Variants in STK33 observed in about 807,000 individuals in gnomAD.
STK33 encodes the protein serine/threonine kinase 33.
Under a neutral mutation model 58.0 loss-of-function variants are expected in STK33, and 52 were observed. The ratio of observed to expected loss-of-function variants is 0.90; its 90% CI spans 0.72 to 1.13. STK33 has a LOEUF of 1.13. STK33 is among the 50% of genes most tolerant of loss of function. The pLI, the probability that STK33 is intolerant of heterozygous loss-of-function variation, is 0.00. For missense variants in STK33, 630 were observed against 604.2 expected, an observed-to-expected ratio of 1.04 and a Z score of -0.45; for synonymous variants, 215 against 200.1, an observed-to-expected ratio of 1.07 and a Z score of -0.63.
At chr11:8,572,035 ATAAATTAATTAATTAATTAATT>A (rs1957859201) in intron 1 of STK33, among the ~76,000 whole-genome samples, 1 of 58,166 alleles carries the variant, frequency 1.7e-5, no homozygotes, top group African/African-American at 7.2e-5. Flanking sequence ...ATTTTAAAAA[ATAAATTAATTAATTAATTAATT>A]TTAAAATTAA....
intron 15 of STK33, among the ~76,000 whole-genome samples, chr11:8,409,579 C>A (rs1939856874): frequency 6.6e-6 from 1 of 152,104 alleles, no homozygotes; most frequent in Non-Finnish European, 1.5e-5. Context: ...TCCAATCTTC[C>A]ACAGTACCTT....
chr11:8,489,253 T>A (rs575032861), intron 1 of STK33, among the ~76,000 whole-genome samples: 7 of 58,494 alleles, frequency 1.2e-4, no homozygotes, highest in Admixed American at 9.9e-4. Flanking sequence ...CAAGAAGCTA[T>A]CTCCAAAAAA....
chr11:8,593,221 G>C (rs1359195262), intron 1 of STK33, among the ~76,000 whole-genome samples: 1 of 152,194 alleles, frequency 6.6e-6, no homozygotes, highest in African/African-American at 2.4e-5. Context: ...GCACGGGCCT[G>C]GAGAACAAGG....
Position 8,440,773 on chromosome 11 carries a change from A to G in STK33, c.872-20T>C. Reference sequence around the variant, plus strand: ...CAGGGGCTGCCAAACAAGCAGATATAAAATAACATTAATAATACAATAAAT... The same window carrying G: ...CAGGGGCTGCCAAACAAGCAGATATGAAATAACATTAATAATACAATAAAT... On this transcript the variant is annotated intron_variant, in intron 11 of 15. Coordinates refer to ENST00000687296, the MANE Select transcript of STK33 (RefSeq NM_001352389.2). The G allele has an allele frequency of 6.5e-7, 1 of 1,548,012 alleles. No homozygotes were observed. The highest frequency in any genetic ancestry group is 8.7e-7 in the Non-Finnish European group (1 of 1,143,788).
chr11:8,451,352 T>C (rs562506555), intron 11 of STK33, among the ~76,000 whole-genome samples: 47 of 152,290 alleles, frequency 3.1e-4, no homozygotes, highest in Middle Eastern at 6.8e-3. Flanking sequence ...CAGGGGTAAG[T>C]AGATAAACAA....
chr11:8,587,234 T>A (rs1158524762), intron 1 of STK33, among the ~76,000 whole-genome samples: 6 of 152,186 alleles, frequency 3.9e-5, no homozygotes, highest in African/African-American at 1.4e-4. Flanking sequence ...TTATACAAAT[T>A]TATTAGAAAA....
At chr11:8,346,937 C>A in the STK33 span, among the ~76,000 whole-genome samples, 1 of 152,098 alleles carries the variant, frequency 6.6e-6, no homozygotes, top group East Asian at 1.9e-4. Flanking sequence ...AAATCATAGA[C>A]CTTTATTTTC....
At chr11:8,534,497 T>C (rs1954807303) in intron 1 of STK33, among the ~76,000 whole-genome samples, 3 of 151,716 alleles carry the variant, frequency 2.0e-5, no homozygotes, top group Admixed American at 6.6e-5. Context: ...ATAAGGGTAT[T>C]ATTTCTTCAA....
rs576384369 is a variant in STK33, at chr11:8,545,683, A to G, written c.-466+48400T>C. ...CTCATCCTTCACAGGCTTTGGTCTC[A>G]AGAAACATAAAGGTCTAGTTAGGAA... On this transcript the variant is annotated intron_variant, in intron 1 of 15. Coordinates refer to ENST00000687296, the MANE Select transcript of STK33 (RefSeq NM_001352389.2). Among the ~76,000 whole-genome samples, 4 of 152,318 alleles carry G rather than the reference A, an allele frequency of 2.6e-5. No individual in the cohort carries two copies. The East Asian group carries it at 5.8e-4, about 22-fold the overall frequency.
At chr11:8,445,117 A>T (rs1280699465) in intron 11 of STK33, among the ~76,000 whole-genome samples, 1 of 152,166 alleles carries the variant, frequency 6.6e-6, no homozygotes, top group Admixed American at 6.5e-5. Context: ...GATAAGTTGC[A>T]TTCCTAGGTA....
intron 6 of STK33, among the ~76,000 whole-genome samples, chr11:8,472,516 G>A (rs1011134870): frequency 6.6e-6 from 1 of 152,138 alleles, no homozygotes; most frequent in African/African-American, 2.4e-5. Flanking sequence ...TCAGTCAGCT[G>A]AGCAATCAGA....
intron 4 of STK33, chr11:8,475,628 G>C (rs1949194484): frequency 6.6e-6 from 1 of 151,962 alleles, no homozygotes. Flanking sequence ...TTTTTATATT[G>C]AGCAAAAATA....
chr11:8,511,147 T>C (rs950548736), intron 1 of STK33, among the ~76,000 whole-genome samples: 3 of 152,206 alleles, frequency 2.0e-5, no homozygotes, highest in South Asian at 4.1e-4. Context: ...CATTTGTTTT[T>C]GTCACCTATG....
chr11:8,496,177 T>C (rs1229774496), intron 1 of STK33, among the ~76,000 whole-genome samples: 1 of 151,548 alleles, frequency 6.6e-6, no homozygotes, highest in Non-Finnish European at 1.5e-5. Context: ...TTCCAGGAGA[T>C]TGCTGAAATA....
At chr11:8,539,008 T>C (rs549231445) in intron 1 of STK33, among the ~76,000 whole-genome samples, 58 of 152,178 alleles carry the variant, frequency 3.8e-4, no homozygotes, top group Non-Finnish European at 7.4e-4. Context: ...ACTGATAATA[T>C]AAACTGGGTT....
the STK33 span, among the ~76,000 whole-genome samples, chr11:8,354,516 A>ACACACACACACACACACACC: frequency 4.7e-5 from 6 of 127,752 alleles, no homozygotes; most frequent in South Asian, 2.6e-4. Context: ...ACACACACAC[A>ACACACACACACACACACACC]CCCCTCAGAC....
chr11:8,441,806 T>A (rs891048123), intron 11 of STK33, among the ~76,000 whole-genome samples: 1 of 152,236 alleles, frequency 6.6e-6, no homozygotes, highest in African/African-American at 2.4e-5. Context: ...AATAGAACTT[T>A]AAAATTTATA....
chr11:8,518,881 C>A (rs1192241670), intron 1 of STK33, among the ~76,000 whole-genome samples: 1 of 152,156 alleles, frequency 6.6e-6, no homozygotes, highest in Non-Finnish European at 1.5e-5. Context: ...GACTCCCACA[C>A]AGTAATAATG....
chr11:8,483,264 G>C (rs1236627981), intron 1 of STK33, among the ~76,000 whole-genome samples: 1 of 152,086 alleles, frequency 6.6e-6, no homozygotes, highest in Non-Finnish European at 1.5e-5. Flanking sequence ...ACATGCAAGG[G>C]CCCAGAACCT....
Sources: allele counts gnomAD v4.1 joint callset (sites outside exome capture counted in the v4.1 genomes callset), GRCh38; gene constraint gnomAD v4.1.1; transcripts MANE v1.5; gene names NCBI Gene and HGNC (gene_info 2026-07-23, HGNC 2026-07-21).